Variants in NEK1 observed in about 807,000 individuals in gnomAD.
NEK1 encodes NIMA related kinase 1.
NEK1 carries 137 observed loss-of-function variants against 182.1 expected under a neutral mutation model. The ratio of observed to expected loss-of-function variants is 0.75; its 90% CI spans 0.65 to 0.87. The LOEUF is 0.87. NEK1 is among the 40% of genes least tolerant of loss of function. NEK1 has a pLI of 0.00. For missense variants in NEK1, 1,391 were observed against 1,494.4 expected (o/e 0.93, Z 1.14); for synonymous variants, 513 against 492.2 (o/e 1.04, Z -0.56).
At chr4:169,411,284 C>CT (rs1279857008) in intron 31 of NEK1, among the ~76,000 whole-genome samples, 12 of 144,446 alleles carry the variant, frequency 8.3e-5, no homozygotes, top group African/African-American at 3.0e-4. Context: ...TTATCTGACT[C>CT]TATTTTTTTT....
At chr4:169,443,296 T>G (rs1247142710) in intron 27 of NEK1, among the ~76,000 whole-genome samples, 1 of 151,956 alleles carries the variant, frequency 6.6e-6, no homozygotes, top group African/African-American at 2.4e-5. Flanking sequence ...CACTCCAGCC[T>G]GGGTGACAGA....
At chr4:169,541,184 T>A (rs1759350317) in intron 18 of NEK1, among the ~76,000 whole-genome samples, 1 of 152,072 alleles carries the variant, frequency 6.6e-6, no homozygotes, top group African/African-American at 2.4e-5. Flanking sequence ...GTAGAAGGGT[T>A]TATTCATTTA....
intron 20 of NEK1, 138 bp downstream of exon 20, chr4:169,508,631 T>C (rs1753699116): frequency 3.4e-6 from 2 of 590,794 alleles, no homozygotes; most frequent in Non-Finnish European, 5.4e-6. Flanking sequence ...AGAATGTCAG[T>C]CAAAAATATA....
intron 7 of NEK1, 37 bp downstream of exon 7, chr4:169,589,410 A>T: frequency 1.7e-6 from 2 of 1,192,770 alleles, no homozygotes; most frequent in Non-Finnish European, 2.4e-6. Flanking sequence ...GTTCGCTGAA[A>T]ACATTATATC....
intron 23 of NEK1, among the ~76,000 whole-genome samples, chr4:169,492,918 G>C (rs1040405783): frequency 2.6e-5 from 4 of 152,294 alleles, no homozygotes; most frequent in Middle Eastern, 3.4e-3. Context: ...CAATGCCTCG[G>C]AACAAACGTG....
chr4:169,563,397 G>T (rs1449045681), intron 12 of NEK1, among the ~76,000 whole-genome samples: 1 of 151,786 alleles, frequency 6.6e-6, no homozygotes, highest in African/African-American at 2.4e-5. Flanking sequence ...TATCTGGGGG[G>T]TTTGTGGGTA....
intron 2 of NEK1, among the ~76,000 whole-genome samples, chr4:169,609,961 G>C (rs1283583567): frequency 1.3e-5 from 2 of 150,948 alleles, no homozygotes. Flanking sequence ...CCAGAAAAAA[G>C]TACCTCAGCC....
At chr4:169,445,743 T>C (rs1740383925) in intron 27 of NEK1, among the ~76,000 whole-genome samples, 1 of 151,550 alleles carries the variant, frequency 6.6e-6, no homozygotes, top group Non-Finnish European at 1.5e-5. Context: ...ATCATCACTA[T>C]TTGAGTGATG....
chr4:169,446,741 T>C (rs1740642469), intron 27 of NEK1, among the ~76,000 whole-genome samples: 1 of 152,132 alleles, frequency 6.6e-6, no homozygotes, highest in Non-Finnish European at 1.5e-5. Flanking sequence ...GCAGAAATTC[T>C]GGAGCTGAGA....
chr4:169,579,735 G>A (rs1210940834), intron 11 of NEK1, among the ~76,000 whole-genome samples: 2 of 150,750 alleles, frequency 1.3e-5, no homozygotes, highest in African/African-American at 2.4e-5. Context: ...GTTGCAGTGA[G>A]CTGAGATTGC....
intron 5 of NEK1, among the ~76,000 whole-genome samples, chr4:169,596,173 GAACA>G (rs1561481562): frequency 6.6e-6 from 1 of 152,050 alleles, no homozygotes; most frequent in African/African-American, 2.4e-5. Context: ...TAGGATAGAA[GAACA>G]AATAATAAGA....
intron 27 of NEK1, among the ~76,000 whole-genome samples, chr4:169,441,513 C>T (rs1453872899): frequency 6.6e-5 from 10 of 152,218 alleles, no homozygotes; most frequent in Admixed American, 6.5e-4. Context: ...ACCACCACCA[C>T]CACTGATTTC....
At chr4:169,579,933 G>A (rs940117588) in intron 11 of NEK1, among the ~76,000 whole-genome samples, 5 of 151,932 alleles carry the variant, frequency 3.3e-5, no homozygotes, top group Admixed American at 3.3e-4. Flanking sequence ...AAATAATTAC[G>A]TTTGAAAAAC....
intron 27 of NEK1, among the ~76,000 whole-genome samples, chr4:169,441,134 C>T (rs1739372126): frequency 6.6e-6 from 1 of 152,316 alleles, no homozygotes; most frequent in African/African-American, 2.4e-5. Context: ...ATTAGGAAGG[C>T]TGCCCCTGGG....
chr4:169,479,299 A>C, intron 24 of NEK1, 104 bp downstream of exon 24: 1 of 1,226,812 alleles, frequency 8.2e-7, no homozygotes, highest in Non-Finnish European at 1.1e-6. Flanking sequence ...TTTTCCTTAG[A>C]AAAACCTGAA....
At chr4:169,507,813 C>A (rs773387334) in intron 21 of NEK1, 21 bp from the exon 22 acceptor site, 2 of 1,547,644 alleles carry the variant, frequency 1.3e-6, no homozygotes, top group Non-Finnish European at 1.8e-6. Flanking sequence ...AGTAGATAAG[C>A]AAATCACTTA....
At chr4:169,602,781 CA>C (rs1439480102) in intron 2 of NEK1, 103 bp from the exon 3 acceptor site, 1 of 544,754 alleles carries the variant, frequency 1.8e-6, no homozygotes, top group Non-Finnish European at 3.2e-6. Context: ...GATTTGCTAA[CA>C]TTTTAAAAAA....
chr4:169,492,473 GACA>G (rs139724641), intron 23 of NEK1, among the ~76,000 whole-genome samples: 4,070 of 152,212 alleles, frequency 0.027, 75 homozygotes, highest in Non-Finnish European at 0.045. Context: ...TCACCCCTCT[GACA>G]ACACACTGGC....
At chr4:169,438,020 A>C (rs1738743893) in intron 28 of NEK1, 63 bp downstream of exon 28, 4 of 1,246,348 alleles carry the variant, frequency 3.2e-6, no homozygotes, top group Admixed American at 5.0e-5. Flanking sequence ...CTGTTTATAA[A>C]GCTTGTGAAA....
Sources: gnomAD v4.1 joint callset for allele counts (sites outside exome capture counted in the v4.1 genomes callset) on GRCh38, gnomAD v4.1.1 for gene constraint, MANE v1.5 for transcripts, NCBI Gene and HGNC (gene_info 2026-07-23, HGNC 2026-07-21) for gene names.